ZNF224: variants seen among roughly 807,000 people sequenced by gnomAD.
The protein encoded by ZNF224 is bone marrow zinc finger 2.
In ZNF224, 8 loss-of-function variants were observed where a neutral mutation model predicts 10.5. The ratio of observed to expected loss-of-function variants is 0.76; its 90% CI spans 0.45 to 1.37. The LOEUF is 1.37. Ranked by LOEUF, ZNF224 falls within the 40% of genes most tolerant of loss-of-function variation. ZNF224 has a pLI of 0.00. For missense variants in ZNF224, 754 were observed against 854.0 expected, an observed-to-expected ratio of 0.88 and a Z score of 1.46; for synonymous variants, 282 against 287.8, an observed-to-expected ratio of 0.98 and a Z score of 0.20.
chr19:44,103,867 T>G (rs756338659), intron 5 of ZNF224, among the ~76,000 whole-genome samples: 1 of 152,076 alleles, frequency 6.6e-6, no homozygotes, highest in Non-Finnish European at 1.5e-5. Context: ...ATTTTTGTAT[T>G]TTTAGTAGAG....
rs370083464 is a variant in ZNF224 at position 44,106,734 on chromosome 19, C to T, written c.574C>T (p.Arg192Cys). The change falls in exon 6 of 6, where the codon CGT becomes TGT. Residue 192 changes from arginine to cysteine, a missense_variant. Transcript: ENST00000693561. The stretch of plus-strand genomic sequence containing the variant: ...GAACTTTTGTTACATCTCAGCCCTT[C>T]GTATTCATCAGAGAGTCCACATGGG... ...GKNFCYISAL[R>C]IHQRVHMGEK... 4.6e-4 allele frequency: 744 copies of T among 1,610,366 alleles called. 11 individuals carry two copies. In the South Asian group the frequency reaches 7.2e-3, roughly 15 times the overall value.
chr19:44,098,352 A>G (rs1568528902), intron 3 of ZNF224, among the ~76,000 whole-genome samples: 1 of 152,128 alleles, frequency 6.6e-6, no homozygotes, highest in African/African-American at 2.4e-5. Context: ...CAGTTTTGAA[A>G]GGCTACTTTT....
At chr19:44,102,341 C>T (rs1023228023) in intron 5 of ZNF224, among the ~76,000 whole-genome samples, 1 of 152,220 alleles carries the variant, frequency 6.6e-6, no homozygotes, top group African/African-American at 2.4e-5. Flanking sequence ...TTCTGTTTAT[C>T]TGTCACTTCT....
Position 44,101,161 on chromosome 19 carries a change from C to G in ZNF224, c.171C>G (p.Phe57Leu). The G allele has an allele frequency of 6.2e-7, 1 of 1,614,112 alleles. No homozygotes were observed. The highest frequency in any genetic ancestry group is 8.5e-7 in the Non-Finnish European group (1 of 1,180,008). ...ATCAAGCATTCCACAGGGATACTTT[C>G]CACTTCCTAAGGGAAGAAAAGATTT... is the stretch of plus-strand genomic sequence containing the variant. ...VGHQAFHRDT[F>L]HFLREEKIWM... The change falls in exon 5 of 6, where the codon TTC (phenylalanine) becomes TTG (leucine). Residue 57 changes from phenylalanine to leucine, a missense_variant. Phe to Leu is a conservative substitution (Grantham distance 22). Transcript: ENST00000693561.
Position 44,106,568 on chromosome 19 carries a change from A to G in ZNF224, c.408A>G (p.Ala136=). The G allele has an allele frequency of 6.2e-7, 1 of 1,613,796 alleles. No homozygotes were observed. Among genetic ancestry groups the G allele is most frequent in the Non-Finnish European group, 8.5e-7 (1 of 1,179,790 alleles). The change falls in exon 6 of 6, where the codon GCA becomes GCG. Residue 136 remains alanine, a synonymous_variant. Coordinates refer to ENST00000693561, the MANE Select transcript of ZNF224 (RefSeq NM_001321645.3). ...KEGDFPCQTE[A]GLSVIHTRQK... is the part of the protein sequence containing the mutation. Reference sequence around the variant, plus strand: ...GTGATTTCCCCTGCCAGACTGAGGCAGGACTATCTGTAATTCACACAAGAC... The same window carrying G: ...GTGATTTCCCCTGCCAGACTGAGGCGGGACTATCTGTAATTCACACAAGAC...
chr19:44,105,049 G>A (rs2147531286), intron 5 of ZNF224, among the ~76,000 whole-genome samples: 1 of 152,184 alleles, frequency 6.6e-6, no homozygotes, highest in East Asian at 1.9e-4. Flanking sequence ...CAGTCTCCTG[G>A]GCCACTGATT....
chr19:44,101,587 C>T (rs1967550550), intron 5 of ZNF224, among the ~76,000 whole-genome samples: 1 of 152,224 alleles, frequency 6.6e-6, no homozygotes, highest in Non-Finnish European at 1.5e-5. Flanking sequence ...CTTGCTCTGT[C>T]TTTACCAGCC....
At chr19:44,094,738 T>A (rs1278523630) in intron 1 of ZNF224, 1 of 152,222 alleles carries the variant, frequency 6.6e-6, no homozygotes, top group Non-Finnish European at 1.5e-5. Context: ...GGGGTGTTAA[T>A]CTCCTTGGGT....
Position 44,108,151 on chromosome 19 carries a change from G to A in ZNF224, c.1991G>A (p.Arg664His), listed in dbSNP as rs141326673. 68 of 1,614,240 alleles carry A rather than the reference G, an allele frequency of 4.2e-5. No individual in the cohort carries two copies. Among genetic ancestry groups the A allele is most frequent in the African/African-American group, 2.3e-4 (17 of 75,066 alleles). The stretch of plus-strand genomic sequence containing the variant: ...GACTGTGGGAAGGGCTACAACAGGC[G>A]CTTGAATCTTGATATGCATCAGAGG... ...CEDCGKGYNRRLNLDMHQRVH... is the reference protein window; with the variant it reads ...CEDCGKGYNRHLNLDMHQRVH... Residue 664 changes from arginine to histidine, a missense_variant, in exon 6 of 6, where the codon CGC (arginine) becomes CAC (histidine). Arg to His is a conservative substitution (Grantham distance 29, BLOSUM62 0). Coordinates refer to ENST00000693561, the MANE Select transcript of ZNF224 (RefSeq NM_001321645.3).
At chr19:44,101,493 C>T (rs1967549073) in intron 5 of ZNF224, among the ~76,000 whole-genome samples, 1 of 152,210 alleles carries the variant, frequency 6.6e-6, no homozygotes, top group African/African-American at 2.4e-5. Context: ...GTTACAACCT[C>T]TTTAATTGAC....
At position 44,108,459 on chromosome 19, in the gene ZNF224, A is replaced by G. The variant is rs765843158; in HGVS notation, c.*175A>G. On this transcript the variant is annotated 3_prime_UTR_variant, in exon 6 of 6. Coordinates refer to ENST00000693561, the MANE Select transcript of ZNF224 (RefSeq NM_001321645.3). ...TTTCACCCATTCTTGGAAGAGGGAA[A>G]ACATTTGTTTAAGATAACATCAGTG... 4.3e-5 allele frequency: 31 copies of G among 718,894 alleles called. No homozygotes were observed. The highest frequency in any genetic ancestry group is 6.7e-5 in the Non-Finnish European group (30 of 448,698). 44.5% of individuals were successfully genotyped at this position (718,894 alleles called of 1,614,324 possible).
rs758990037 is a variant in ZNF224 at position 44,107,567 on chromosome 19, A to T, written c.1407A>T (p.Pro469=). 1.9e-6 allele frequency: 3 copies of T among 1,613,086 alleles called. No individual in the cohort carries two copies. The South Asian group carries it at 3.3e-5, about 18-fold the overall frequency. Residue 469 remains proline (P), a synonymous_variant, in exon 6 of 6, where the codon CCA becomes CCT. Coordinates refer to ENST00000693561, the MANE Select transcript of ZNF224 (RefSeq NM_001321645.3). ...GTGGGAAGAGCTTTAGTCGGGCCCC[A>T]TGTCTTTTGAAACATGAGAGACTCC... is the stretch of plus-strand genomic sequence containing the variant. The part of the protein sequence containing the change: ...KECGKSFSRA[P]CLLKHERLHS...
At position 44,106,554 on chromosome 19, in the gene ZNF224, TGCCA is replaced by T; in HGVS notation, c.396_399del (p.Cys132Ter). Reference sequence around the variant, plus strand: ...GTTCTCCAAAGAAGGTGATTTCCCCTGCCAGACTGAGGCAGGACTATCTGTAATT... The same window carrying T: ...GTTCTCCAAAGAAGGTGATTTCCCCTGACTGAGGCAGGACTATCTGTAATT... On this transcript the variant is annotated frameshift_variant, in exon 6 of 6. Transcript: ENST00000693561. LOFTEE classifies it low-confidence loss of function (END_TRUNC). 3 of 1,614,152 alleles carry T rather than the reference TGCCA, an allele frequency of 1.9e-6. No individual in the cohort carries two copies. Among genetic ancestry groups the T allele is most frequent in the Non-Finnish European group, 2.5e-6 (3 of 1,179,992 alleles).
At chr19:44,106,285 C>A in intron 5 of ZNF224, 111 bp from the exon 6 acceptor site, 1 of 1,148,818 alleles carries the variant, frequency 8.7e-7, no homozygotes, top group Non-Finnish European at 1.2e-6. Context: ...AAAATACAAA[C>A]TGAATGTTGT....
intron 3 of ZNF224, 90 bp downstream of exon 3, chr19:44,097,978 A>C (rs369245940): frequency 4.2e-6 from 6 of 1,419,314 alleles, no homozygotes; most frequent in Non-Finnish European, 9.9e-7. Flanking sequence ...AGACTCAAGG[A>C]GAAAAACAGA....
Position 44,106,662 on chromosome 19 carries a change from C to T in ZNF224, c.502C>T (p.Gln168Ter). 1 of 1,595,298 alleles carries T rather than the reference C, an allele frequency of 6.3e-7. No individual in the cohort carries two copies. Among genetic ancestry groups the T allele is most frequent in the Non-Finnish European group, 8.5e-7 (1 of 1,170,064 alleles). The change falls in exon 6 of 6, where the codon CAA becomes TAA. Residue 168 changes from glutamine (Q) to a stop codon, truncating the protein, a stop_gained. Transcript: ENST00000693561. LOFTEE classifies it low-confidence loss of function (END_TRUNC). ...TGTCTCCCACTTTGATTTTCATCAA[C>T]AATTACACTCAGGAGAGAAATCTCA... ...SDVSHFDFHQ[Q>*]LHSGEKSHTC... is the part of the protein sequence containing the mutation.
Position 44,108,143 on chromosome 19 carries a change from C to A in ZNF224, c.1983C>A (p.Tyr661Ter). The change falls in exon 6 of 6, where the codon TAC becomes TAA. Residue 661 changes from tyrosine (Y) to a stop codon, truncating the protein, a stop_gained. Coordinates refer to ENST00000693561, the MANE Select transcript of ZNF224 (RefSeq NM_001321645.3). LOFTEE classifies it low-confidence loss of function (END_TRUNC). Reference protein sequence around the residue: ...PYKCEDCGKGYNRRLNLDMHQ... With the variant: ...PYKCEDCGKG ...AATGTGAGGACTGTGGGAAGGGCTA[C>A]AACAGGCGCTTGAATCTTGATATGC... The A allele has an allele frequency of 1.2e-6, 2 of 1,614,200 alleles. No individual in the cohort carries two copies. The highest frequency in any genetic ancestry group is 8.5e-7 in the Non-Finnish European group (1 of 1,180,038).
chr19:44,097,325 G>C (rs538381666), intron 2 of ZNF224, among the ~76,000 whole-genome samples: 1 of 152,264 alleles, frequency 6.6e-6, no homozygotes, highest in South Asian at 2.1e-4. Context: ...TCATTAGACA[G>C]TTTGCTGAAT....
chr19:44,108,158 T>C lies in ZNF224; in HGVS notation c.1998T>C (p.Asn666=), dbSNP rs1324770796. 2 of 1,614,220 alleles carry C rather than the reference T, an allele frequency of 1.2e-6. No homozygotes were observed. The highest frequency in any genetic ancestry group is 1.7e-6 in the Non-Finnish European group (2 of 1,180,040). The change falls in exon 6 of 6, where the codon AAT becomes AAC. Residue 666 remains asparagine, a synonymous_variant. Transcript: ENST00000693561. ...DCGKGYNRRL[N]LDMHQRVHMG... The stretch of plus-strand genomic sequence containing the variant: ...GGAAGGGCTACAACAGGCGCTTGAA[T>C]CTTGATATGCATCAGAGGGTCCACA...
Sources: gnomAD v4.1 joint callset for allele counts (sites outside exome capture counted in the v4.1 genomes callset) on GRCh38, gnomAD v4.1.1 for gene constraint, MANE v1.5 for transcripts, NCBI Gene and HGNC (gene_info 2026-07-23, HGNC 2026-07-21) for gene names.